WDR48: variants seen among roughly 807,000 people sequenced by gnomAD.
The protein encoded by WDR48 is WD repeat-containing protein 48.
In WDR48, 22 loss-of-function variants were observed where a neutral mutation model predicts 94.0. The ratio of observed to expected loss-of-function variants is 0.23; its 90% CI spans 0.17 to 0.33. WDR48 has a LOEUF of 0.33. WDR48 is among the 10% of genes least tolerant of loss of function. WDR48 has a pLI of 1.00. For missense variants in WDR48, 541 were observed against 813.8 expected, an observed-to-expected ratio of 0.66 and a Z score of 4.08; for synonymous variants, 278 against 280.5, an observed-to-expected ratio of 0.99 and a Z score of 0.09.
At chr3:39,059,094 AAAT>A (rs1031912914) in intron 1 of WDR48, among the ~76,000 whole-genome samples, 63 of 151,870 alleles carry the variant, frequency 4.1e-4, no homozygotes, top group Non-Finnish European at 8.1e-4. Context: ...AAAAAAAAAA[AAAT>A]ACAGAATGTG....
intron 7 of WDR48, 70 bp downstream of exon 7, chr3:39,069,814 A>G: frequency 7.8e-7 from 1 of 1,280,830 alleles, no homozygotes; most frequent in Non-Finnish European, 1.1e-6. Flanking sequence ...ATACTATTGC[A>G]TAGGTTGATT....
chr3:39,058,132 C>A (rs2033017850), intron 1 of WDR48, among the ~76,000 whole-genome samples: 1 of 152,166 alleles, frequency 6.6e-6, no homozygotes, highest in African/African-American at 2.4e-5. Context: ...GGCTCTCATG[C>A]TGTTGCCCAG....
chr3:39,085,029 C>T (rs973018118), intron 13 of WDR48, among the ~76,000 whole-genome samples: 2 of 152,116 alleles, frequency 1.3e-5, no homozygotes, highest in Non-Finnish European at 2.9e-5. Context: ...GGATCGAGAC[C>T]ATCCTGGCTA....
chr3:39,068,814 C>T lies in WDR48; in HGVS notation c.525C>T (p.Ala175=), dbSNP rs749467431. Residue 175 remains alanine (A), a synonymous_variant, in exon 6 of 19, where the codon GCC becomes GCT. Transcript: ENST00000302313. ...SGNKDSIYSL[A]MNQLGTIIVS... ...ACAAAGATTCCATTTATAGCCTGGC[C>T]ATGAATCAACTGGGAACAATCATTG... The T allele has an allele frequency of 3.1e-6, 5 of 1,602,674 alleles. No homozygotes were observed. In the African/African-American group the frequency reaches 6.7e-5, roughly 21 times the overall value.
At chr3:39,075,124 C>A (rs1319242088) in intron 8 of WDR48, among the ~76,000 whole-genome samples, 174 bp downstream of exon 8, 2 of 149,954 alleles carry the variant, frequency 1.3e-5, no homozygotes, top group African/African-American at 4.9e-5. Context: ...GAGTAGGCAT[C>A]TGTCTGGAGG....
In WDR48 at chr3:39,094,606, TTA is replaced by T. The variant is rs2125689691; in HGVS notation, c.1939-41_1939-40del. On this transcript the variant is annotated intron_variant, in intron 18 of 18. Coordinates refer to ENST00000302313, the MANE Select transcript of WDR48 (RefSeq NM_020839.4). ...TGAGTTAATGATAAGGTTTTAGATA[TTA>T]GAGACTTTGAAATTTTTAAATTTAA... 10 of 1,612,292 alleles carry T rather than the reference TTA, an allele frequency of 6.2e-6. No individual in the cohort carries two copies. In the Admixed American group the frequency reaches 1.2e-4, roughly 19 times the overall value.
At chr3:39,052,141 G>A in intron 1 of WDR48, 68 bp downstream of exon 1, 1 of 1,595,590 alleles carries the variant, frequency 6.3e-7, no homozygotes, top group Non-Finnish European at 8.6e-7. Flanking sequence ...CAGCTAGAAG[G>A]TGCCCGGCGC....
At position 39,052,017 on chromosome 3, in the gene WDR48, A is replaced by C. The variant is rs201517129; in HGVS notation, c.-9A>C. The C allele has an allele frequency of 2.2e-5, 35 of 1,613,734 alleles. No homozygotes were observed. The highest frequency in any genetic ancestry group is 2.7e-5 in the Non-Finnish European group (32 of 1,179,942). ...CTCCGGAAGTGACGTCGGAGTGTCA[A>C]CATGCAAGATGGCGGCCCATCACCG... On this transcript the variant is annotated 5_prime_UTR_variant, in exon 1 of 19. Coordinates refer to ENST00000302313, the MANE Select transcript of WDR48 (RefSeq NM_020839.4).
chr3:39,095,711 C>G lies in WDR48; in HGVS notation c.*968C>G, dbSNP rs987487497. 2 of 152,418 alleles carry G rather than the reference C, an allele frequency of 1.3e-5. No individual in the cohort carries two copies. The highest frequency in any genetic ancestry group is 2.4e-5 in the African/African-American group (1 of 41,420). The allele number at this position is 152,418 out of a possible 1,614,324, so 9.4% of individuals were successfully genotyped here. A position where few individuals can be genotyped will look rare whatever the true frequency, so the allele number is the denominator to read the frequency against. On this transcript the variant is annotated 3_prime_UTR_variant, in exon 19 of 19. Coordinates refer to ENST00000302313, the MANE Select transcript of WDR48 (RefSeq NM_020839.4). Reference sequence around the variant, plus strand: ...CCTGGAAGTATACATATTTGTTTTTCCAAAGTTTTATATGCAGGTTTTTGT... The same window carrying G: ...CCTGGAAGTATACATATTTGTTTTTGCAAAGTTTTATATGCAGGTTTTTGT...
intron 1 of WDR48, 141 bp from the exon 2 acceptor site, chr3:39,062,909 A>G: frequency 9.3e-7 from 1 of 1,071,772 alleles, no homozygotes; most frequent in Non-Finnish European, 1.3e-6. Context: ...TTTAAGGAGT[A>G]AAATTTAAAT....
chr3:39,057,632 T>C (rs987515411), intron 1 of WDR48, among the ~76,000 whole-genome samples: 1 of 152,194 alleles, frequency 6.6e-6, no homozygotes, highest in Non-Finnish European at 1.5e-5. Context: ...ATTTTTATTT[T>C]TATTTTTTTG....
chr3:39,059,912 A>T (rs1342173487), intron 1 of WDR48, among the ~76,000 whole-genome samples: 1 of 151,912 alleles, frequency 6.6e-6, no homozygotes, highest in Non-Finnish European at 1.5e-5. Flanking sequence ...TTTCTTTTTT[A>T]AAAAGTCCCT....
chr3:39,070,460 G>A (rs2033862166), intron 7 of WDR48, among the ~76,000 whole-genome samples: 1 of 152,082 alleles, frequency 6.6e-6, no homozygotes, highest in Admixed American at 6.6e-5. Flanking sequence ...AAGATGATGA[G>A]GTGAGAAACA....
intron 1 of WDR48, among the ~76,000 whole-genome samples, chr3:39,062,558 G>T (rs1180478585): frequency 2.0e-5 from 3 of 152,170 alleles, no homozygotes; most frequent in African/African-American, 7.2e-5. Flanking sequence ...AGCCAGACAG[G>T]TCGGAGGAAG....
chr3:39,075,089 G>A (rs2034144113), intron 8 of WDR48, 139 bp downstream of exon 8: 2 of 808,630 alleles, frequency 2.5e-6, no homozygotes, highest in Non-Finnish European at 3.8e-6. Context: ...ATTCCATCAT[G>A]AGCAGAACTT....
At position 39,084,629 on chromosome 3, in the gene WDR48, T is replaced by C. The variant is rs776122063; in HGVS notation, c.1282-16T>C. The C allele has an allele frequency of 1.9e-6, 3 of 1,610,036 alleles. No homozygotes were observed. In the Admixed American group the frequency reaches 5.0e-5, roughly 27 times the overall value. ...TATATTCAAATGGGATGCCACTAAG[T>C]TTTTTCTTTTGATAGATGTTAACTA... is the stretch of plus-strand genomic sequence containing the variant. On this transcript the variant is annotated splice_polypyrimidine_tract_variant and intron_variant, in intron 12 of 18. Coordinates refer to ENST00000302313, the MANE Select transcript of WDR48 (RefSeq NM_020839.4).
At chr3:39,076,041 C>T (rs1014948987) in intron 8 of WDR48, among the ~76,000 whole-genome samples, 15 of 152,136 alleles carry the variant, frequency 9.9e-5, no homozygotes, top group African/African-American at 3.6e-4. Flanking sequence ...TACTACTACT[C>T]CCTTTTCTCA....
chr3:39,074,424 C>T (rs2034104056), intron 7 of WDR48, among the ~76,000 whole-genome samples: 1 of 152,310 alleles, frequency 6.6e-6, no homozygotes, highest in East Asian at 1.9e-4. Flanking sequence ...AACAGAACAA[C>T]CGTAACTACT....
chr3:39,055,371 G>C (rs2032808381), intron 1 of WDR48, among the ~76,000 whole-genome samples: 1 of 152,166 alleles, frequency 6.6e-6, no homozygotes, highest in Non-Finnish European at 1.5e-5. Context: ...TGTAATCCCA[G>C]GTACTTGGGA....
Sources: allele counts gnomAD v4.1 joint callset (sites outside exome capture counted in the v4.1 genomes callset), GRCh38; gene constraint gnomAD v4.1.1; transcripts MANE v1.5; gene names NCBI Gene and HGNC (gene_info 2026-07-23, HGNC 2026-07-21).